Variants in DENND2A observed in about 807,000 individuals in gnomAD.
DENND2A encodes DENN domain containing 2A, also known as DENN domain-containing protein 2A.
A neutral mutation model predicts 105.3 loss-of-function variants in DENND2A; 53 were observed. The ratio of observed to expected loss-of-function variants is 0.50; its 90% CI spans 0.40 to 0.63. The LOEUF (loss-of-function observed/expected upper bound fraction) is 0.63, where lower values mean the gene tolerates loss of function less well. DENND2A is among the 30% of genes least tolerant of loss of function. DENND2A has a pLI of 0.00. For missense variants in DENND2A, 1,138 were observed against 1,279.6 expected (o/e 0.89, Z 1.69); for synonymous variants, 522 against 508.4 (o/e 1.03, Z -0.36).
At chr7:140,603,424 GTT>G (rs1267918824) in intron 2 of DENND2A, among the ~76,000 whole-genome samples, 1 of 152,214 alleles carries the variant, frequency 6.6e-6, no homozygotes, top group Non-Finnish European at 1.5e-5. Context: ...AAGTCATGAA[GTT>G]TGTGCTACCC....
intron 4 of DENND2A, among the ~76,000 whole-genome samples, chr7:140,586,283 C>T (rs1260709130): frequency 6.6e-6 from 1 of 151,620 alleles, no homozygotes; most frequent in Non-Finnish European, 1.5e-5. Context: ...CTTTGGGAGG[C>T]CGAAGGGGGT....
rs118090819 is a variant in DENND2A at position 140,599,861 on chromosome 7, G to A, written c.995+1542C>T. Among the ~76,000 whole-genome samples the A allele has an allele frequency of 2.6e-4, 40 of 152,220 alleles. No individual in the cohort carries two copies. The East Asian group carries it at 5.4e-3, about 21-fold the overall frequency. Reference sequence around the variant, plus strand: ...CATCCTACATGACAGACCATGCTGAGTGGGGGGTGACAGGATTTAATTTAT... The same window carrying A: ...CATCCTACATGACAGACCATGCTGAATGGGGGGTGACAGGATTTAATTTAT... On this transcript the variant is annotated intron_variant, in intron 3 of 19. Transcript: ENST00000496613.
At chr7:140,612,158 T>C (rs1435194049) in intron 1 of DENND2A, among the ~76,000 whole-genome samples, 1 of 151,828 alleles carries the variant, frequency 6.6e-6, no homozygotes, top group Non-Finnish European at 1.5e-5. Flanking sequence ...AGATAATCGC[T>C]TGAACCTGGG....
intron 14 of DENND2A, among the ~76,000 whole-genome samples, chr7:140,537,076 G>A (rs1796479903): frequency 6.6e-6 from 1 of 152,222 alleles, no homozygotes; most frequent in African/African-American, 2.4e-5. Flanking sequence ...TGCCAGAGCA[G>A]CAAGGTGGCA....
At position 140,562,018 on chromosome 7, in the gene DENND2A, T is replaced by C. The variant is rs1297869887; in HGVS notation, c.1780-2201A>G. Among the ~76,000 whole-genome samples the C allele has an allele frequency of 4.6e-5, 7 of 151,996 alleles. No individual in the cohort carries two copies. The East Asian group carries it at 1.2e-3, about 25-fold the overall frequency. ...GATTCTCCTACCTCAGCCTCCCAAG[T>C]AGCTGGTATTACAGGTGCCTGCCAC... On this transcript the variant is annotated intron_variant, in intron 9 of 19. Coordinates refer to ENST00000496613, the MANE Select transcript of DENND2A (RefSeq NM_015689.5).
At chr7:140,613,539 C>CAAAA (rs769852380) in intron 1 of DENND2A, among the ~76,000 whole-genome samples, 1 of 94,308 alleles carries the variant, frequency 1.1e-5, no homozygotes, top group African/African-American at 3.5e-5. Flanking sequence ...GACTCTGTCT[C>CAAAA]AAAAAAAAAA....
At chr7:140,563,944 A>G (rs1797734104) in intron 9 of DENND2A, among the ~76,000 whole-genome samples, 1 of 152,006 alleles carries the variant, frequency 6.6e-6, no homozygotes, top group Middle Eastern at 3.2e-3. Context: ...GTGCCACTCC[A>G]TGCCATCCTG....
rs755347219 is a variant in DENND2A, at chr7:140,602,054, A to C, written c.344T>G (p.Val115Gly). 3 of 1,614,026 alleles carry C rather than the reference A, an allele frequency of 1.9e-6. No individual in the cohort carries two copies. The highest frequency in any genetic ancestry group is 3.3e-5 in the Admixed American group (2 of 60,010). Residue 115 changes from valine to glycine, a missense_variant, in exon 3 of 20, where the codon GTG becomes GGG. Transcript: ENST00000496613. ...CTCTGGGTCCTGTCCCCCGACGTTC[A>C]CTGCTCCTTTATTCCTCTCCTTCTC... is the stretch of plus-strand genomic sequence containing the variant. Reference protein sequence around the residue: ...STEKERNKGAVNVGGQDPEPG... With the variant: ...STEKERNKGAGNVGGQDPEPG...
At chr7:140,614,300 T>C (rs982406947) in intron 1 of DENND2A, among the ~76,000 whole-genome samples, 5 of 152,112 alleles carry the variant, frequency 3.3e-5, no homozygotes, top group Non-Finnish European at 7.4e-5. Flanking sequence ...AGATGGGGTT[T>C]TGCCACCTTG....
chr7:140,532,813 T>C (rs870216), intron 14 of DENND2A, among the ~76,000 whole-genome samples: 76,848 of 151,520 alleles, frequency 0.51, 20,651 homozygotes, highest in African/African-American at 0.7. Context: ...TCTCTTGATC[T>C]CTGGAGTTCA....
intron 1 of DENND2A, among the ~76,000 whole-genome samples, chr7:140,638,863 C>A (rs1801061571): frequency 1.3e-5 from 2 of 152,194 alleles, no homozygotes; most frequent in Non-Finnish European, 2.9e-5. Context: ...TGCCATGCAG[C>A]CCTCACAGCC....
chr7:140,569,289 A>G (rs1333652885), intron 7 of DENND2A, among the ~76,000 whole-genome samples: 1 of 152,178 alleles, frequency 6.6e-6, no homozygotes, highest in Non-Finnish European at 1.5e-5. Flanking sequence ...GTACTGCCAA[A>G]TTAATTTGGC....
intron 3 of DENND2A, 93 bp downstream of exon 3, chr7:140,601,310 A>C (rs1485004278): frequency 1.4e-6 from 2 of 1,475,474 alleles, no homozygotes; most frequent in Non-Finnish European, 1.8e-6. Context: ...TTAATAAAAC[A>C]AATAATTCAG....
intron 12 of DENND2A, among the ~76,000 whole-genome samples, chr7:140,549,858 A>G (rs935370870): frequency 2.4e-4 from 37 of 152,300 alleles, no homozygotes; most frequent in African/African-American, 8.2e-4. Context: ...ATGTCCATCA[A>G]TGGATAAATG....
intron 18 of DENND2A, among the ~76,000 whole-genome samples, chr7:140,519,983 C>T (rs1429252957): frequency 6.6e-6 from 1 of 152,148 alleles, no homozygotes; most frequent in East Asian, 1.9e-4. Flanking sequence ...CGAGCGTCTA[C>T]ACTGTGCCAG....
intron 1 of DENND2A, among the ~76,000 whole-genome samples, chr7:140,620,310 C>T (rs1162258776): frequency 1.5e-5 from 2 of 134,154 alleles, no homozygotes; most frequent in Non-Finnish European, 3.0e-5. Flanking sequence ...GAATCCAAAA[C>T]CTTGTGTCCA....
intron 2 of DENND2A, among the ~76,000 whole-genome samples, chr7:140,605,132 A>C (rs934743970): frequency 1.3e-5 from 2 of 152,188 alleles, no homozygotes; most frequent in African/African-American, 2.4e-5. Context: ...CTGTCCTACG[A>C]GTCCCCAAGG....
Position 140,544,751 on chromosome 7 carries a change from G to A in DENND2A, c.2194C>T (p.Arg732Cys), listed in dbSNP as rs1433032642. The A allele has an allele frequency of 3.2e-6, 5 of 1,584,956 alleles. No homozygotes were observed. Among genetic ancestry groups the A allele is most frequent in the African/African-American group, 1.3e-5 (1 of 74,614 alleles). The stretch of plus-strand genomic sequence containing the variant: ...TGCTCGAGCCGGGAGTCCAGCGGGC[G>A]GCACAGTTCGATCACCTGCCAGGGA... ...GSGTEVIELC[R>C]PLDSRLEHVD... is the part of the protein sequence containing the mutation. The change falls in exon 14 of 20, where the codon CGC becomes TGC. Residue 732 changes from arginine to cysteine, a missense_variant. Arg to Cys is a radical substitution (Grantham distance 180, BLOSUM62 -3). This residue lies in a region of DENND2A where 627 missense variants were observed against 779.8 expected (regional missense o/e 0.80). Coordinates refer to ENST00000496613, the MANE Select transcript of DENND2A (RefSeq NM_015689.5).
chr7:140,628,677 CT>C (rs1402020340), intron 1 of DENND2A, among the ~76,000 whole-genome samples: 1 of 151,230 alleles, frequency 6.6e-6, no homozygotes, highest in African/African-American at 2.4e-5. Flanking sequence ...GTAGCTGGAA[CT>C]ACAGGCATGC....
Sources: gnomAD v4.1 joint callset for allele counts (sites outside exome capture counted in the v4.1 genomes callset) on GRCh38, gnomAD v4.1.1 for gene constraint, gnomAD v4.1.1 regional missense constraint, MANE v1.5 for transcripts, NCBI Gene and HGNC (gene_info 2026-07-23, HGNC 2026-07-21) for gene names.